The following NKAIN2 variants were observed in gnomAD, a reference collection of about 807,000 sequenced individuals.
NKAIN2 encodes the protein sodium/potassium-transporting ATPase subunit beta-1-interacting protein 2.
A neutral mutation model predicts 32.6 loss-of-function variants in NKAIN2; 14 were observed. That is an observed-to-expected ratio of 0.43 (90% CI 0.28 to 0.67). The LOEUF is 0.67. Among genes scored for constraint, NKAIN2 ranks in the 30% least tolerant of loss-of-function variants. The pLI is 0.17. For missense variants in NKAIN2, 198 were observed against 258.3 expected, an observed-to-expected ratio of 0.77 and a Z score of 1.60; for synonymous variants, 80 against 87.2, an observed-to-expected ratio of 0.92 and a Z score of 0.46.
At chr6:124,291,347 G>C (rs1795806171) in intron 2 of NKAIN2, among the ~76,000 whole-genome samples, 1 of 133,696 alleles carries the variant, frequency 7.5e-6, no homozygotes, top group Non-Finnish European at 1.5e-5. Context: ...TAAAAATTGT[G>C]TAGTCTTTTT....
chr6:124,569,972 A>G (rs928109047), intron 3 of NKAIN2, among the ~76,000 whole-genome samples: 3 of 152,218 alleles, frequency 2.0e-5, no homozygotes, highest in Admixed American at 6.5e-5. Context: ...AGTGATATGA[A>G]CAGTAAGTTC....
intron 1 of NKAIN2, among the ~76,000 whole-genome samples, chr6:123,998,741 C>CTGTGTGTGTGTGTGTG (rs530702348): frequency 7.5e-6 from 1 of 132,640 alleles, no homozygotes; most frequent in South Asian, 2.7e-4. Flanking sequence ...CTCTCTCTCT[C>CTGTGTGTGTGTGTGTG]TCTGTGTGTG....
chr6:124,595,643 T>C (rs1414110864), intron 3 of NKAIN2, among the ~76,000 whole-genome samples: 1 of 139,120 alleles, frequency 7.2e-6, no homozygotes, highest in Non-Finnish European at 1.6e-5. Flanking sequence ...CTTTAACATA[T>C]ATACCTTGGG....
chr6:124,267,790 G>A (rs1442151537), intron 1 of NKAIN2, among the ~76,000 whole-genome samples: 1 of 152,130 alleles, frequency 6.6e-6, no homozygotes, highest in Non-Finnish European at 1.5e-5. Context: ...GGACTCATTT[G>A]TGTATGGGAT....
intron 5 of NKAIN2, among the ~76,000 whole-genome samples, chr6:124,814,104 C>T (rs1015689629): frequency 6.6e-6 from 1 of 152,132 alleles, no homozygotes; most frequent in Non-Finnish European, 1.5e-5. Flanking sequence ...CTACATGGCA[C>T]CCCAAAAAGT....
chr6:124,752,583 G>A (rs1583794971), intron 4 of NKAIN2, among the ~76,000 whole-genome samples: 1 of 151,666 alleles, frequency 6.6e-6, no homozygotes, highest in Admixed American at 6.6e-5. Flanking sequence ...GCATGTTTGG[G>A]GAGTGTAAGC....
intron 1 of NKAIN2, among the ~76,000 whole-genome samples, chr6:123,926,934 C>A (rs1582792165): frequency 6.6e-6 from 1 of 152,158 alleles, no homozygotes; most frequent in Non-Finnish European, 1.5e-5. Context: ...GCTAAGTCTA[C>A]CAAAATCTAC....
intron 1 of NKAIN2, among the ~76,000 whole-genome samples, chr6:124,175,739 AT>A (rs1311377854): frequency 6.6e-6 from 1 of 151,902 alleles, no homozygotes; most frequent in Admixed American, 6.6e-5. Context: ...ATCAATTCAG[AT>A]TTTTTTTAAA....
intron 3 of NKAIN2, among the ~76,000 whole-genome samples, chr6:124,388,891 A>C (rs766795377): frequency 6.6e-6 from 1 of 152,100 alleles, no homozygotes; most frequent in Non-Finnish European, 1.5e-5. Context: ...GACTCCAAGC[A>C]TAGTGCTAAA....
intron 3 of NKAIN2, among the ~76,000 whole-genome samples, chr6:124,407,437 C>T (rs1773915405): frequency 6.6e-6 from 1 of 150,400 alleles, no homozygotes; most frequent in East Asian, 2.0e-4. Flanking sequence ...TGAGTGAGAA[C>T]ATGCGGTGTT....
chr6:124,227,722 A>T (rs894322560), intron 1 of NKAIN2, among the ~76,000 whole-genome samples: 2 of 152,190 alleles, frequency 1.3e-5, no homozygotes, highest in Non-Finnish European at 2.9e-5. Flanking sequence ...ATTTCTAATT[A>T]GATCAACCCA....
intron 3 of NKAIN2, among the ~76,000 whole-genome samples, chr6:124,358,767 T>C (rs1388904092): frequency 6.6e-6 from 1 of 151,566 alleles, no homozygotes; most frequent in East Asian, 1.9e-4. Context: ...GCAGAAGCTC[T>C]TTAGTTTAAT....
intron 1 of NKAIN2, among the ~76,000 whole-genome samples, chr6:124,103,512 G>A (rs962523765): frequency 6.6e-6 from 1 of 152,118 alleles, no homozygotes; most frequent in Non-Finnish European, 1.5e-5. Flanking sequence ...GAACTATCTG[G>A]TGAGTGTGAT....
intron 1 of NKAIN2, among the ~76,000 whole-genome samples, chr6:124,138,488 G>A (rs936535087): frequency 3.3e-5 from 5 of 151,896 alleles, no homozygotes; most frequent in Non-Finnish European, 7.4e-5. Flanking sequence ...CCACTAGTGG[G>A]TATCTATCCA....
At chr6:124,590,059 A>G (rs1227688516) in intron 3 of NKAIN2, among the ~76,000 whole-genome samples, 1 of 151,980 alleles carries the variant, frequency 6.6e-6, no homozygotes, top group Admixed American at 6.6e-5. Flanking sequence ...TCCAGTGTCA[A>G]CTCCTGTCCA....
chr6:124,727,527 A>G (rs1776392519), intron 4 of NKAIN2, among the ~76,000 whole-genome samples: 1 of 151,770 alleles, frequency 6.6e-6, no homozygotes, highest in South Asian at 2.1e-4. Context: ...TGTCACCACC[A>G]GGCCTGCCCT....
chr6:124,464,496 T>G (rs1776663184), intron 3 of NKAIN2, among the ~76,000 whole-genome samples: 1 of 152,032 alleles, frequency 6.6e-6, no homozygotes, highest in African/African-American at 2.4e-5. Flanking sequence ...GGACTTTGAT[T>G]TATTACATCT....
At chr6:124,316,896 G>A (rs1357206203) in intron 2 of NKAIN2, among the ~76,000 whole-genome samples, 2 of 152,060 alleles carry the variant, frequency 1.3e-5, no homozygotes, top group African/African-American at 4.8e-5. Flanking sequence ...GGTGGACTGG[G>A]AAAGCATCAT....
intron 3 of NKAIN2, among the ~76,000 whole-genome samples, chr6:124,627,668 G>A (rs1219618772): frequency 6.6e-6 from 1 of 152,132 alleles, no homozygotes; most frequent in Non-Finnish European, 1.5e-5. Context: ...CCTTGACGGT[G>A]TTAACTCAAA....
Sources: gnomAD v4.1 joint callset for allele counts (sites outside exome capture counted in the v4.1 genomes callset) on GRCh38, gnomAD v4.1.1 for gene constraint, MANE v1.5 for transcripts, NCBI Gene and HGNC (gene_info 2026-07-23, HGNC 2026-07-21) for gene names.